The following ROCK2 variants were observed in gnomAD, a reference collection of about 807,000 sequenced individuals.
ROCK2 encodes the protein rho-associated protein kinase 2.
In ROCK2, 61 loss-of-function variants were observed where a neutral mutation model predicts 195.1. The observed-to-expected ratio is 0.31, with a 90% confidence interval of 0.25 to 0.39. The LOEUF is 0.39. Among genes scored for constraint, ROCK2 ranks in the 10% least tolerant of loss-of-function variants. ROCK2 has a pLI of 1.00. For missense variants in ROCK2, 1,109 were observed against 1,637.4 expected, an observed-to-expected ratio of 0.68 and a Z score of 5.57; for synonymous variants, 504 against 545.5, an observed-to-expected ratio of 0.92 and a Z score of 1.06.
intron 1 of ROCK2, among the ~76,000 whole-genome samples, chr2:11,333,194 CA>C (rs1231239114): frequency 6.6e-6 from 1 of 152,144 alleles, no homozygotes; most frequent in African/African-American, 2.4e-5. Context: ...AAAGAACTAG[CA>C]ATGCTAGTAA....
intron 3 of ROCK2, among the ~76,000 whole-genome samples, chr2:11,279,745 C>G (rs1666938008): frequency 6.6e-6 from 1 of 152,280 alleles, no homozygotes; most frequent in East Asian, 1.9e-4. Flanking sequence ...TTCTCAAACT[C>G]TCATGGAACG....
At chr2:11,280,739 C>T (rs1666974261) in intron 3 of ROCK2, among the ~76,000 whole-genome samples, 1 of 152,028 alleles carries the variant, frequency 6.6e-6, no homozygotes, top group African/African-American at 2.4e-5. Context: ...AAGAAACAGA[C>T]TTACTGTTAT....
At chr2:11,218,876 G>T in intron 10 of ROCK2, 90 bp downstream of exon 10, 1 of 667,730 alleles carries the variant, frequency 1.5e-6, no homozygotes, top group Non-Finnish European at 2.6e-6. Context: ...TTTAAAAGGA[G>T]CATCAAATTA....
At chr2:11,299,065 G>C (rs1667624693) in intron 1 of ROCK2, among the ~76,000 whole-genome samples, 1 of 151,776 alleles carries the variant, frequency 6.6e-6, no homozygotes, top group South Asian at 2.1e-4. Context: ...TCAGGAGTTT[G>C]AGGCCAGCCT....
chr2:11,205,457 T>C (rs952373808), intron 20 of ROCK2, among the ~76,000 whole-genome samples: 8 of 152,308 alleles, frequency 5.3e-5, no homozygotes, highest in Middle Eastern at 3.4e-3. Flanking sequence ...ATTCTCATTC[T>C]TATTTATTGT....
At chr2:11,217,498 C>T (rs1030789939) in intron 11 of ROCK2, among the ~76,000 whole-genome samples, 1 of 152,138 alleles carries the variant, frequency 6.6e-6, no homozygotes, top group Admixed American at 6.5e-5. Context: ...TGCTGCTTTT[C>T]TATGAATTAT....
chr2:11,204,175 C>T (rs966480606), intron 20 of ROCK2, among the ~76,000 whole-genome samples: 1 of 152,084 alleles, frequency 6.6e-6, no homozygotes, highest in Non-Finnish European at 1.5e-5. Context: ...TGGTTACCTC[C>T]ACATCTCATA....
At chr2:11,295,980 G>GAGAGAGAGAGAGAA in intron 1 of ROCK2, among the ~76,000 whole-genome samples, 1 of 79,554 alleles carries the variant, frequency 1.3e-5, no homozygotes, top group African/African-American at 3.9e-5. Flanking sequence ...GAGAGAGAGA[G>GAGAGAGAGAGAGAA]AGAGAGAGAG....
chr2:11,230,548 G>C (rs990292259), intron 5 of ROCK2, among the ~76,000 whole-genome samples: 1 of 152,088 alleles, frequency 6.6e-6, no homozygotes, highest in African/African-American at 2.4e-5. Flanking sequence ...AAGCAGGCAG[G>C]GGGTCGTATC....
chr2:11,193,386 A>G (rs1663506300), intron 30 of ROCK2, among the ~76,000 whole-genome samples: 1 of 152,154 alleles, frequency 6.6e-6, no homozygotes, highest in Non-Finnish European at 1.5e-5. Flanking sequence ...CGGAGGTAAA[A>G]GGGCTACAAG....
intron 11 of ROCK2, chr2:11,218,098 G>A (rs1664496025): frequency 5.7e-6 from 1 of 175,236 alleles, no homozygotes; most frequent in Non-Finnish European, 1.2e-5. Flanking sequence ...TCTATCTTAA[G>A]CAAAACTCTG....
At chr2:11,341,423 G>A (rs1285409708) in intron 1 of ROCK2, among the ~76,000 whole-genome samples, 2 of 152,192 alleles carry the variant, frequency 1.3e-5, no homozygotes, top group Non-Finnish European at 1.5e-5. Flanking sequence ...GTGCACAGGA[G>A]AAGTGAACTA....
intron 1 of ROCK2, among the ~76,000 whole-genome samples, chr2:11,317,604 ATATATATATTTT>A (rs1247597328): frequency 4.9e-4 from 8 of 16,186 alleles, no homozygotes; most frequent in African/African-American, 1.5e-3. Context: ...ATATATATAT[ATATATATATTTT>A]TTTTTTTTTT....
intron 1 of ROCK2, among the ~76,000 whole-genome samples, chr2:11,296,036 GAGAGAGAGAGAGAGAA>G (rs1398033819): frequency 6.7e-6 from 1 of 148,392 alleles, no homozygotes; most frequent in African/African-American, 2.5e-5. Flanking sequence ...GAGAGAGAGA[GAGAGAGAGAGAGAGAA>G]AACAAAGGGT....
chr2:11,296,488 T>C (rs530357116), intron 1 of ROCK2, among the ~76,000 whole-genome samples: 21 of 152,296 alleles, frequency 1.4e-4, no homozygotes, highest in African/African-American at 3.6e-4. Flanking sequence ...AACCTAAATA[T>C]AGAAAATTAT....
At chr2:11,321,341 A>G (rs868002901) in intron 1 of ROCK2, among the ~76,000 whole-genome samples, 25 of 151,772 alleles carry the variant, frequency 1.6e-4, no homozygotes, top group African/African-American at 5.8e-4. Context: ...GCACCGGGCT[A>G]ATTTTTGTAT....
At chr2:11,207,948 T>A (rs1664112598) in intron 19 of ROCK2, 38 bp from the exon 20 acceptor site, 2 of 1,361,570 alleles carry the variant, frequency 1.5e-6, no homozygotes, top group Non-Finnish European at 1.9e-6. Flanking sequence ...ATAAGTAAAT[T>A]ATTTCCATTT....
chr2:11,235,564 G>T lies in ROCK2; in HGVS notation c.723+138C>A. 2.5e-6 allele frequency: 2 copies of T among 787,012 alleles called. No individual in the cohort carries two copies. Among genetic ancestry groups the T allele is most frequent in the Non-Finnish European group, 4.0e-6 (2 of 501,972 alleles). 48.8% of individuals were successfully genotyped at this position (787,012 alleles called of 1,614,324 possible). ...GTTGGTTAAGGAAATGTTTTAAGTT[G>T]GTTATATCTTGTTTGGGTGCTATAC... is the stretch of plus-strand genomic sequence containing the variant. On this transcript the variant is annotated intron_variant, in intron 5 of 32. Transcript: ENST00000315872. The surrounding 1 kb of genome is among the most constrained non-coding windows in gnomAD (Gnocchi z 4.2).
intron 25 of ROCK2, 64 bp downstream of exon 25, chr2:11,198,427 T>C: frequency 8.8e-7 from 1 of 1,131,572 alleles, no homozygotes; most frequent in Non-Finnish European, 1.3e-6. Context: ...ATGCTAGAAG[T>C]AAAATGTAAA....
Sources: gnomAD v4.1 joint callset for allele counts (sites outside exome capture counted in the v4.1 genomes callset) on GRCh38, gnomAD v4.1.1 for gene constraint, Gnocchi (gnomAD v3.1) non-coding constraint, MANE v1.5 for transcripts, NCBI Gene and HGNC (gene_info 2026-07-23, HGNC 2026-07-21) for gene names.